Variants in ALDOA observed in about 807,000 individuals in gnomAD.
The protein encoded by ALDOA is aldolase, fructose-bisphosphate A, also known as fructose-bisphosphate aldolase A.
A neutral mutation model predicts 43.9 loss-of-function variants in ALDOA; 26 were observed. That is an observed-to-expected ratio of 0.59 (90% CI 0.43 to 0.82). The LOEUF (loss-of-function observed/expected upper bound fraction) is 0.82. Ranked by LOEUF, ALDOA falls within the 40% of genes least tolerant of loss-of-function variation. The probability of loss-of-function intolerance (pLI) is 0.00; values close to 1 mark genes in which losing one functional copy is unlikely to be tolerated. For missense variants in ALDOA, 498 were observed against 549.5 expected, an observed-to-expected ratio of 0.91 and a Z score of 0.94; for synonymous variants, 258 against 222.6, an observed-to-expected ratio of 1.16 and a Z score of -1.42.
At chr16:30,066,537 G>T (rs905019537) in intron 1 of ALDOA, among the ~76,000 whole-genome samples, 1 of 152,218 alleles carries the variant, frequency 6.6e-6, no homozygotes, top group South Asian at 2.1e-4. Flanking sequence ...CCTCGGGCTA[G>T]GGCTTGTTCC....
rs1379432423 is a variant in ALDOA, at chr16:30,065,895, G to T, written c.-46G>T. On this transcript the variant is annotated 5_prime_UTR_variant, in exon 1 of 10. Coordinates refer to ENST00000642816, the MANE Select transcript of ALDOA (RefSeq NM_001243177.4). ...CGCCAGCCCGCCGCCCTCTGCCGCC[G>T]CACCCTGCACACCCGCCCCTCTCCT... 1.3e-5 allele frequency: 2 copies of T among 153,378 alleles called. No homozygotes were observed. The highest frequency in any genetic ancestry group is 2.9e-5 in the Non-Finnish European group (2 of 68,634). 9.5% of individuals were successfully genotyped at this position (153,378 alleles called of 1,614,324 possible).
rs892947296 is a variant in ALDOA, at chr16:30,069,391, T to C, written c.786+2T>C. ...CGCTGCCAGTATGTGACCGAGAAGG[T>C]AAATGGCTACCTGCCTGACCAGTGC... On this transcript the variant is annotated splice_donor_variant, in intron 7 of 9. Transcript: ENST00000642816. LOFTEE classifies it high-confidence loss of function. The C allele has an allele frequency of 1.2e-6, 2 of 1,613,776 alleles. No individual in the cohort carries two copies. Among genetic ancestry groups the C allele is most frequent in the African/African-American group, 2.7e-5 (2 of 74,802 alleles).
upstream of ALDOA, among the ~76,000 whole-genome samples, chr16:30,065,108 C>G (rs1234001485): frequency 6.6e-6 from 1 of 152,206 alleles, no homozygotes; most frequent in Non-Finnish European, 1.5e-5. Flanking sequence ...CATGCGCGAC[C>G]CAGCCCGGCC....
rs554856640 is a variant in ALDOA at position 30,068,577 on chromosome 16, G to A, written c.487-69G>A. 1.1e-4 allele frequency: 165 copies of A among 1,545,340 alleles called. 1 individual carries two copies. In the East Asian group the frequency reaches 1.9e-3, roughly 17 times the overall value. On this transcript the variant is annotated intron_variant, in intron 4 of 9. Transcript: ENST00000642816. ...GAGATTCCACCACTGTACTCCAGCC[G>A]GGGCGACAGTGGAAAGGGTGCTAGA...
upstream of ALDOA, chr16:30,064,290 C>T (rs1341821674): frequency 1.0e-5 from 4 of 397,754 alleles, no homozygotes; most frequent in Admixed American, 4.4e-5. Flanking sequence ...TTAAAAAAAA[C>T]CAGGGCTCCA....
At chr16:30,065,065 C>G (rs927355070), upstream of ALDOA, among the ~76,000 whole-genome samples, 8 of 152,370 alleles carry the variant, frequency 5.3e-5, no homozygotes, top group Admixed American at 4.6e-4. Context: ...GACTACCAGC[C>G]TGGCTGCGGC....
chr16:30,070,099 A>T lies in ALDOA; in HGVS notation c.1162-18A>T. 1.2e-6 allele frequency: 2 copies of T among 1,613,462 alleles called. No homozygotes were observed. The highest frequency in any genetic ancestry group is 1.7e-6 in the Non-Finnish European group (2 of 1,179,880). On this transcript the variant is annotated intron_variant, in intron 9 of 9. Coordinates refer to ENST00000642816, the MANE Select transcript of ALDOA (RefSeq NM_001243177.4). ...CTCGGAGAAGAGCCCTTCTCACTCCACCCCTCTCCCTGCTTAGGCCAACAG... is the reference window on the plus strand; with the variant it reads ...CTCGGAGAAGAGCCCTTCTCACTCCTCCCCTCTCCCTGCTTAGGCCAACAG...
At chr16:30,069,433 G>A (rs1020311270) in intron 7 of ALDOA, 44 bp downstream of exon 7, 7 of 1,613,886 alleles carry the variant, frequency 4.3e-6, no homozygotes, top group Non-Finnish European at 5.9e-6. Flanking sequence ...GCTGGCCGGG[G>A]ACCCTGGGGC....
intron 6 of ALDOA, 144 bp from the exon 7 acceptor site, chr16:30,069,162 G>A (rs558183698): frequency 1.2e-5 from 16 of 1,319,668 alleles, no homozygotes; most frequent in Admixed American, 3.8e-5. Context: ...GATCTGAGGC[G>A]GCTCTTGTCT....
At chr16:30,069,155 C>T in intron 6 of ALDOA, 151 bp from the exon 7 acceptor site, 1 of 1,320,366 alleles carries the variant, frequency 7.6e-7, no homozygotes, top group Non-Finnish European at 1.1e-6. Context: ...GTGGGTGGAT[C>T]TGAGGCGGCT....
rs929389001 is a variant in ALDOA at position 30,067,309 on chromosome 16, A to G, written c.217A>G (p.Ile73Val). The change falls in exon 3 of 10, where the codon ATC becomes GTC. Residue 73 changes from isoleucine (I) to valine (V), a missense_variant. Coordinates refer to ENST00000642816, the MANE Select transcript of ALDOA (RefSeq NM_001243177.4). ...GGAGCAGAAGAAGGAGCTGTCTGAC[A>G]TCGCTCACCGCATCGTGGCACCTGG... ...TPEQKKELSD[I>V]AHRIVAPGKG... 8.1e-6 allele frequency: 13 copies of G among 1,613,056 alleles called. No individual in the cohort carries two copies. Among genetic ancestry groups the G allele is most frequent in the Admixed American group, 1.7e-5 (1 of 60,006 alleles).
At chr16:30,069,197 C>T in intron 6 of ALDOA, 109 bp from the exon 7 acceptor site, 1 of 1,408,894 alleles carries the variant, frequency 7.1e-7, no homozygotes, top group South Asian at 1.2e-5. Context: ...GCTTTGAAGC[C>T]TGAGTCCCTG....
In ALDOA at chr16:30,067,574, C is replaced by G; in HGVS notation, c.399C>G (p.Leu133=). The change falls in exon 4 of 10, where the codon CTC becomes CTG. Residue 133 remains leucine, a synonymous_variant. Coordinates refer to ENST00000642816, the MANE Select transcript of ALDOA (RefSeq NM_001243177.4). Reference sequence around the variant, plus strand: ...ACCCCTGCATTGGGGGTGTCATCCTCTTCCATGAGACACTCTACCAGAAGG... The same window carrying G: ...ACCCCTGCATTGGGGGTGTCATCCTGTTCCATGAGACACTCTACCAGAAGG... ...RVNPCIGGVI[L]FHETLYQKAD... is the part of the protein sequence containing the mutation. The G allele has an allele frequency of 6.2e-7, 1 of 1,614,080 alleles. No individual in the cohort carries two copies. The highest frequency in any genetic ancestry group is 8.5e-7 in the Non-Finnish European group (1 of 1,180,038).
Position 30,069,288 on chromosome 16 carries a change from C to G in ALDOA, c.703-18C>G, listed in dbSNP as rs2072229355. On this transcript the variant is annotated intron_variant, in intron 6 of 9. Transcript: ENST00000642816. ...TGGGTTAGGAGGCCTCACAGTGACC[C>G]TGTCCCTCGCCCTGCAGAATGGCAT... 6.2e-7 allele frequency: 1 copy of G among 1,613,992 alleles called. No individual in the cohort carries two copies.
In ALDOA at chr16:30,068,126, G is replaced by A. The variant is rs372598003; in HGVS notation, c.486+465G>A. The A allele has an allele frequency of 2.8e-5, 7 of 248,460 alleles. No homozygotes were observed. In the East Asian group the frequency reaches 5.4e-4, roughly 19 times the overall value. The allele number at this position is 248,460 out of a possible 1,614,324, so 15.4% of individuals were successfully genotyped here. A position where few individuals can be genotyped will look rare whatever the true frequency, so the allele number is the denominator to read the frequency against. On this transcript the variant is annotated intron_variant, in intron 4 of 9. Transcript: ENST00000642816. ...CTCCCAGGCTGGAGTGCAGTGGTGC[G>A]ATCTCTTGGCTCACTGCAAGTTCCG... is the stretch of plus-strand genomic sequence containing the variant.
intron 8 of ALDOA, 29 bp from the exon 9 acceptor site, chr16:30,069,801 G>A (rs1567325756): frequency 6.8e-6 from 11 of 1,613,794 alleles, no homozygotes; most frequent in Non-Finnish European, 9.3e-6. Context: ...TCTGACCACA[G>A]CCCCTCTCGC....
rs2151019295 is a variant in ALDOA at position 30,069,869 on chromosome 16, C to T, written c.1001C>T (p.Ala334Val). The T allele has an allele frequency of 3.7e-6, 6 of 1,614,164 alleles. No homozygotes were observed. The highest frequency in any genetic ancestry group is 5.1e-6 in the Non-Finnish European group (6 of 1,180,036). ...FLSGGQSEEEASINLNAINKC... is the reference protein window; with the variant it reads ...FLSGGQSEEEVSINLNAINKC... ...TCTGGAGGCCAGAGTGAGGAGGAGGCGTCCATCAACCTCAATGCCATTAAC... is the reference window on the plus strand; with the variant it reads ...TCTGGAGGCCAGAGTGAGGAGGAGGTGTCCATCAACCTCAATGCCATTAAC... The change falls in exon 9 of 10, where the codon GCG (alanine) becomes GTG (valine). Residue 334 changes from alanine (A) to valine (V), a missense_variant. By Grantham distance (64) the Ala-to-Val change is moderately conservative. Coordinates refer to ENST00000642816, the MANE Select transcript of ALDOA (RefSeq NM_001243177.4).
chr16:30,064,439 T>G (rs1026737159), upstream of ALDOA: 1 of 398,636 alleles, frequency 2.5e-6, no homozygotes, highest in Admixed American at 4.4e-5. Context: ...TGGCCAAAGA[T>G]TTATTTCTCT....
rs926663650 is a variant in ALDOA, at chr16:30,066,944, T to G, written c.47T>G (p.Leu16Arg). The G allele has an allele frequency of 1.9e-6, 3 of 1,551,006 alleles. No individual in the cohort carries two copies. Among genetic ancestry groups the G allele is most frequent in the Non-Finnish European group, 2.6e-6 (3 of 1,147,294 alleles). The change falls in exon 2 of 10, where the codon CTG (leucine) becomes CGG (arginine). Residue 16 changes from leucine to arginine, a missense_variant. Leu to Arg is a moderately radical substitution (Grantham distance 102). Transcript: ENST00000642816. ...GGGTCCAGCTTCAACATGACCCACC[T>G]GTCCATGGCTATGGCCTTTTCCTTT... ...PEGSSFNMTHLSMAMAFSFPP... is the reference protein window; with the variant it reads ...PEGSSFNMTHRSMAMAFSFPP...
Sources: gnomAD v4.1 joint callset for allele counts (sites outside exome capture counted in the v4.1 genomes callset) on GRCh38, gnomAD v4.1.1 for gene constraint, MANE v1.5 for transcripts, NCBI Gene and HGNC (gene_info 2026-07-23, HGNC 2026-07-21) for gene names.